NRXN1: variants seen among roughly 807,000 people sequenced by gnomAD.
NRXN1 encodes neurexin-1.
A neutral mutation model predicts 150.9 loss-of-function variants in NRXN1; 39 were observed. The ratio of observed to expected loss-of-function variants is 0.26; its 90% CI spans 0.20 to 0.34. The LOEUF is 0.34. Ranked by LOEUF, NRXN1 falls within the 10% of genes least tolerant of loss-of-function variation. The probability of loss-of-function intolerance (pLI) is 1.00; values close to 1 mark genes in which losing one functional copy is unlikely to be tolerated. For synonymous variants in NRXN1, 924 were observed against 757.0 expected (o/e 1.22, Z -3.62); for missense variants, 1,815 against 1,949.9 (o/e 0.93, Z 1.30).
intron 9 of NRXN1, among the ~76,000 whole-genome samples, chr2:50,544,532 G>T (rs1486960245): frequency 1.3e-5 from 2 of 151,936 alleles, no homozygotes; most frequent in Non-Finnish European, 2.9e-5. Context: ...TGTGAGCTGG[G>T]AACTTCAGGA....
chr2:50,770,597 A>T (rs1045766820), intron 5 of NRXN1, among the ~76,000 whole-genome samples: 1 of 152,036 alleles, frequency 6.6e-6, no homozygotes, highest in African/African-American at 2.4e-5. Flanking sequence ...TAAAATGCAA[A>T]TTTCAGTGAA....
chr2:50,947,922 T>C (rs1690665499), intron 2 of NRXN1, among the ~76,000 whole-genome samples: 2 of 151,998 alleles, frequency 1.3e-5, no homozygotes, highest in Middle Eastern at 3.2e-3. Flanking sequence ...AAAATATTGG[T>C]TTCATTTATT....
chr2:50,085,732 A>G (rs61274978), intron 19 of NRXN1, among the ~76,000 whole-genome samples: 9,246 of 151,998 alleles, frequency 0.061, 933 homozygotes, highest in African/African-American at 0.21. Flanking sequence ...TTTATGTGTT[A>G]CTATGTTTAA....
chr2:50,313,184 TATCTC>T (rs1308892296), intron 17 of NRXN1, among the ~76,000 whole-genome samples: 1 of 152,080 alleles, frequency 6.6e-6, no homozygotes, highest in African/African-American at 2.4e-5. Context: ...TGTCTAGAAT[TATCTC>T]ATCAGTATCT....
chr2:50,946,858 A>T (rs1437439129), intron 2 of NRXN1, among the ~76,000 whole-genome samples: 1 of 152,190 alleles, frequency 6.6e-6, no homozygotes, highest in Non-Finnish European at 1.5e-5. Flanking sequence ...ACTAAAAGCT[A>T]TTAAATCCAA....
chr2:49,985,629 T>TG (rs1458866340), intron 21 of NRXN1, among the ~76,000 whole-genome samples: 3 of 152,218 alleles, frequency 2.0e-5, no homozygotes, highest in Non-Finnish European at 4.4e-5. Flanking sequence ...TTAATTGCTT[T>TG]GAGATTCTCT....
intron 2 of NRXN1, among the ~76,000 whole-genome samples, chr2:51,018,240 G>A (rs915238039): frequency 2.6e-5 from 4 of 152,066 alleles, no homozygotes; most frequent in Admixed American, 6.6e-5. Context: ...GCAACTGTTC[G>A]TCTTGGCAGC....
Position 50,443,178 on chromosome 2 carries a change from G to A in NRXN1, c.3364+22264C>T, listed in dbSNP as rs562824794. Among the ~76,000 whole-genome samples the A allele has an allele frequency of 2.6e-5, 4 of 152,226 alleles. No homozygotes were observed. In the South Asian group the frequency reaches 8.3e-4, roughly 32 times the overall value. On this transcript the variant is annotated intron_variant, in intron 17 of 22. Coordinates refer to ENST00000401669, the MANE Select transcript of NRXN1 (RefSeq NM_001330078.2). ...CAATGTTTGGTTTATTTGTTTGTAA[G>A]ATTAGTACAATCCATTAAATAATAT...
At chr2:50,763,256 A>T (rs1156530177) in intron 5 of NRXN1, among the ~76,000 whole-genome samples, 1 of 151,900 alleles carries the variant, frequency 6.6e-6, no homozygotes, top group African/African-American at 2.4e-5. Flanking sequence ...ACAGTCCCAA[A>T]CACTCTTTGG....
chr2:50,110,979 T>G (rs1702301241), intron 18 of NRXN1, among the ~76,000 whole-genome samples: 1 of 152,210 alleles, frequency 6.6e-6, no homozygotes, highest in African/African-American at 2.4e-5. Flanking sequence ...TCCTCATTAG[T>G]TATAATACTT....
chr2:50,267,871 G>A (rs2069082637), intron 17 of NRXN1, among the ~76,000 whole-genome samples: 1 of 151,990 alleles, frequency 6.6e-6, no homozygotes, highest in South Asian at 2.1e-4. Context: ...GAGATCCAGA[G>A]GTGGAAGTGA....
In NRXN1 at chr2:50,047,443, T is replaced by C. The variant is rs565561557; in HGVS notation, c.4128+5828A>G. Among the ~76,000 whole-genome samples, 4 of 152,232 alleles carry C rather than the reference T, an allele frequency of 2.6e-5. No individual in the cohort carries two copies. In the South Asian group the frequency reaches 8.3e-4, roughly 32 times the overall value. Reference sequence around the variant, plus strand: ...GAGGACCACAGAGGCCAGGTCCTTCTAGAGGTTAGGAGCAGGTAAAGTATA... The same window carrying C: ...GAGGACCACAGAGGCCAGGTCCTTCCAGAGGTTAGGAGCAGGTAAAGTATA... On this transcript the variant is annotated intron_variant, in intron 21 of 22. Coordinates refer to ENST00000401669, the MANE Select transcript of NRXN1 (RefSeq NM_001330078.2).
At chr2:50,730,541 A>C (rs1005631184) in intron 5 of NRXN1, among the ~76,000 whole-genome samples, 4 of 152,146 alleles carry the variant, frequency 2.6e-5, no homozygotes, top group African/African-American at 9.7e-5. Flanking sequence ...GCCTTCAAAA[A>C]GATAACCAAA....
intron 13 of NRXN1, among the ~76,000 whole-genome samples, chr2:50,502,241 A>G (rs1026233380): frequency 7.2e-5 from 11 of 152,100 alleles, no homozygotes; most frequent in Admixed American, 6.5e-5. Context: ...GAAGGAAGGA[A>G]GGAAGGAGGG....
rs563078155 is a variant in NRXN1, at chr2:50,275,501, G to GA, written c.3365-38532dup. The stretch of plus-strand genomic sequence containing the variant: ...TTTTAAATATTTAAAGTTTCAGACA[G>GA]AAAAAAAAAAATCTATTCATGGGTA... On this transcript the variant is annotated intron_variant, in intron 17 of 22. Transcript: ENST00000401669. Among the ~76,000 whole-genome samples, 86 of 146,758 alleles carry GA rather than the reference G, an allele frequency of 5.9e-4. 1 individual carries two copies. The highest frequency in any genetic ancestry group is 3.5e-3 in the Middle Eastern group (1 of 282).
At chr2:50,790,547 G>GGA (rs1349421443) in intron 5 of NRXN1, among the ~76,000 whole-genome samples, 2 of 152,118 alleles carry the variant, frequency 1.3e-5, no homozygotes, top group African/African-American at 2.4e-5. Context: ...CTTGAACCTG[G>GGA]GAGAGAGAGG....
At chr2:50,895,731 C>T (rs964156841) in intron 5 of NRXN1, among the ~76,000 whole-genome samples, 20 of 151,696 alleles carry the variant, frequency 1.3e-4, no homozygotes, top group Admixed American at 5.3e-4. Flanking sequence ...CAGGAGTGCG[C>T]CACCACGCCT....
intron 5 of NRXN1, among the ~76,000 whole-genome samples, chr2:50,905,778 T>C (rs903542912): frequency 6.6e-6 from 1 of 152,150 alleles, no homozygotes; most frequent in Non-Finnish European, 1.5e-5. Context: ...ACATGACATA[T>C]GTATTTATGT....
At chr2:50,380,788 T>C (rs921088908) in intron 17 of NRXN1, among the ~76,000 whole-genome samples, 13 of 152,246 alleles carry the variant, frequency 8.5e-5, no homozygotes, top group African/African-American at 1.2e-4. Context: ...CTGATGTCTA[T>C]CTCAATTCTA....
Sources: gnomAD v4.1 joint callset for allele counts (sites outside exome capture counted in the v4.1 genomes callset) on GRCh38, gnomAD v4.1.1 for gene constraint, MANE v1.5 for transcripts, NCBI Gene and HGNC (gene_info 2026-07-23, HGNC 2026-07-21) for gene names.